The following FHIT variants were observed in gnomAD, a reference collection of about 807,000 sequenced individuals.
FHIT encodes the protein bis(5'-adenosyl)-triphosphatase.
In FHIT, 19 loss-of-function variants were observed where a neutral mutation model predicts 17.9. The observed-to-expected ratio is 1.06, with a 90% CI of 0.74 to 1.56. The LOEUF is 1.56. Ranked by LOEUF, FHIT falls within the 40% of genes most tolerant of loss-of-function variation. The probability of loss-of-function intolerance (pLI) is 0.00; values close to 1 mark genes in which losing one functional copy is unlikely to be tolerated. For synonymous variants in FHIT, 81 were observed against 69.7 expected (o/e 1.16, Z -0.81); for missense variants, 248 against 189.2 (o/e 1.31, Z -1.82).
At chr3:60,996,325 C>T (rs547235448) in intron 3 of FHIT, among the ~76,000 whole-genome samples, 1 of 152,248 alleles carries the variant, frequency 6.6e-6, no homozygotes, top group East Asian at 1.9e-4. Flanking sequence ...GCTCCTCTAA[C>T]TCTTAATCTT....
chr3:60,260,598 A>T (rs1426757344), intron 5 of FHIT, among the ~76,000 whole-genome samples: 1 of 152,056 alleles, frequency 6.6e-6, no homozygotes, highest in Non-Finnish European at 1.5e-5. Flanking sequence ...AAAATATATT[A>T]TGCTATTTTT....
At chr3:61,025,078 C>A (rs17685850) in intron 3 of FHIT, among the ~76,000 whole-genome samples, 1 of 151,916 alleles carries the variant, frequency 6.6e-6, no homozygotes, top group South Asian at 2.1e-4. Flanking sequence ...ATATAGCTTG[C>A]CTACCTTAAA....
At chr3:59,782,054 G>A (rs1481353238) in intron 8 of FHIT, among the ~76,000 whole-genome samples, 4 of 152,106 alleles carry the variant, frequency 2.6e-5, no homozygotes, top group Admixed American at 1.3e-4. Context: ...CAGAGACAGA[G>A]ACTTCCAATT....
At chr3:59,849,496 C>T (rs926858788) in intron 8 of FHIT, among the ~76,000 whole-genome samples, 6 of 152,136 alleles carry the variant, frequency 3.9e-5, no homozygotes, top group Non-Finnish European at 7.4e-5. Flanking sequence ...GACTTCAATC[C>T]GATTGGTGGC....
intron 5 of FHIT, among the ~76,000 whole-genome samples, chr3:60,080,361 T>C (rs1167081656): frequency 1.3e-5 from 2 of 152,182 alleles, no homozygotes; most frequent in South Asian, 2.1e-4. Flanking sequence ...TTAATAGAAA[T>C]AGCTTTCAAA....
intron 3 of FHIT, among the ~76,000 whole-genome samples, chr3:60,904,063 T>C (rs1336438959): frequency 6.6e-6 from 1 of 152,178 alleles, no homozygotes; most frequent in African/African-American, 2.4e-5. Flanking sequence ...GTCCTTCCAT[T>C]TCTCATTTTC....
chr3:60,129,792 C>A (rs1322430775), intron 5 of FHIT, among the ~76,000 whole-genome samples: 1 of 152,110 alleles, frequency 6.6e-6, no homozygotes, highest in Non-Finnish European at 1.5e-5. Flanking sequence ...AATTCTGGAT[C>A]TTAGTGATAT....
chr3:60,534,761 G>C (rs2035921483), intron 5 of FHIT, among the ~76,000 whole-genome samples: 1 of 152,110 alleles, frequency 6.6e-6, no homozygotes, highest in Admixed American at 6.5e-5. Flanking sequence ...CAAATATAAA[G>C]TAACTGAGCA....
At chr3:60,016,452 G>C (rs1280332837) in intron 5 of FHIT, among the ~76,000 whole-genome samples, 3 of 152,136 alleles carry the variant, frequency 2.0e-5, no homozygotes, top group African/African-American at 7.2e-5. Flanking sequence ...TTAACCAGTG[G>C]ATTGGGCTGG....
chr3:60,053,981 T>C lies in FHIT; in HGVS notation c.104-39829A>G, dbSNP rs537008318. Reference sequence around the variant, plus strand: ...CTTCAAATGTAAATCAGAAGCCATATATATTGTATTCTTCCAAGTGATTAC... The same window carrying C: ...CTTCAAATGTAAATCAGAAGCCATACATATTGTATTCTTCCAAGTGATTAC... On this transcript the variant is annotated intron_variant, in intron 5 of 9. Coordinates refer to ENST00000492590, the MANE Select transcript of FHIT (RefSeq NM_002012.4). 2.6e-5 allele frequency among the ~76,000 whole-genome samples: 4 copies of C among 152,344 alleles called. No individual in the cohort carries two copies. The East Asian group carries it at 5.8e-4, about 22-fold the overall frequency.
chr3:61,226,671 CACAG>C (rs1223546392), intron 1 of FHIT, among the ~76,000 whole-genome samples: 1 of 152,068 alleles, frequency 6.6e-6, no homozygotes, highest in Non-Finnish European at 1.5e-5. Context: ...GTACTCAAAA[CACAG>C]ACAGAGAGAG....
chr3:60,293,702 C>T (rs763352365), intron 5 of FHIT, among the ~76,000 whole-genome samples: 7 of 152,046 alleles, frequency 4.6e-5, no homozygotes, highest in South Asian at 2.1e-4. Context: ...TTTTCCTCTC[C>T]GAGGATTTAG....
rs747555382 is a variant in FHIT, at chr3:60,305,406, A to G, written c.103+231454T>C. On this transcript the variant is annotated intron_variant, in intron 5 of 9. Coordinates refer to ENST00000492590, the MANE Select transcript of FHIT (RefSeq NM_002012.4). ...AGGTACCTTGGAATAATATACTTCC[A>G]GAGATTCTCAATAACAGCATTTTAA... Among the ~76,000 whole-genome samples, 36 of 152,094 alleles carry G rather than the reference A, an allele frequency of 2.4e-4. 1 individual carries two copies. The highest frequency in any genetic ancestry group is 4.9e-4 in the Non-Finnish European group (33 of 67,988).
intron 7 of FHIT, among the ~76,000 whole-genome samples, chr3:59,997,458 G>A (rs1194742020): frequency 6.6e-6 from 1 of 152,106 alleles, no homozygotes; most frequent in Non-Finnish European, 1.5e-5. Flanking sequence ...ATTCAACAAT[G>A]GAATAAGACA....
intron 4 of FHIT, among the ~76,000 whole-genome samples, chr3:60,705,396 G>A (rs1351648415): frequency 3.3e-5 from 5 of 152,126 alleles, no homozygotes; most frequent in African/African-American, 1.2e-4. Context: ...CTAATGAAGT[G>A]AAGGCTTGTC....
At chr3:60,161,831 G>T (rs929428472) in intron 5 of FHIT, among the ~76,000 whole-genome samples, 1 of 152,132 alleles carries the variant, frequency 6.6e-6, no homozygotes, top group African/African-American at 2.4e-5. Context: ...AAATCAATGT[G>T]CATCAGGCTC....
At chr3:60,381,662 G>T (rs957741402) in intron 5 of FHIT, among the ~76,000 whole-genome samples, 4 of 152,148 alleles carry the variant, frequency 2.6e-5, no homozygotes, top group Non-Finnish European at 4.4e-5. Flanking sequence ...GACTATGTTT[G>T]ATATTAAGCT....
chr3:60,865,200 G>GA (rs1353949994), intron 3 of FHIT, among the ~76,000 whole-genome samples: 1 of 152,094 alleles, frequency 6.6e-6, no homozygotes, highest in Non-Finnish European at 1.5e-5. Flanking sequence ...GTCTGACGTT[G>GA]AAAAAAATCA....
chr3:60,536,642 G>C (rs112427376), intron 5 of FHIT: 36 of 443,382 alleles, frequency 8.1e-5, no homozygotes, highest in Non-Finnish European at 1.1e-4. Context: ...CTCCTCAGAA[G>C]TTCTGCAACA....
Sources: gnomAD v4.1 joint callset for allele counts (sites outside exome capture counted in the v4.1 genomes callset) on GRCh38, gnomAD v4.1.1 for gene constraint, MANE v1.5 for transcripts, NCBI Gene and HGNC (gene_info 2026-07-23, HGNC 2026-07-21) for gene names.